The following TSPAN9 variants were observed in gnomAD, a reference collection of about 807,000 sequenced individuals.
The protein encoded by TSPAN9 is tetraspanin 9.
TSPAN9 carries 16 observed loss-of-function variants against 31.0 expected under a neutral mutation model. The ratio of observed to expected loss-of-function variants is 0.52; its 90% CI spans 0.35 to 0.78. The LOEUF (loss-of-function observed/expected upper bound fraction) is 0.78. Ranked by LOEUF, TSPAN9 falls within the 30% of genes least tolerant of loss-of-function variation. The pLI is 0.01. For missense variants in TSPAN9, 272 were observed against 312.5 expected, an observed-to-expected ratio of 0.87 and a Z score of 0.98; for synonymous variants, 145 against 121.6, an observed-to-expected ratio of 1.19 and a Z score of -1.27.
intron 3 of TSPAN9, among the ~76,000 whole-genome samples, chr12:3,221,712 G>A (rs577518033): frequency 6.6e-6 from 1 of 152,200 alleles, no homozygotes; most frequent in African/African-American, 2.4e-5. Context: ...CTGGAATCCA[G>A]TGGCATAATC....
intron 2 of TSPAN9, among the ~76,000 whole-genome samples, chr12:3,134,001 G>A (rs1176864113): frequency 1.3e-5 from 2 of 152,188 alleles, no homozygotes; most frequent in Admixed American, 6.5e-5. Flanking sequence ...GGGCTGTTGT[G>A]AGGGACTGAT....
intron 2 of TSPAN9, among the ~76,000 whole-genome samples, chr12:3,087,635 A>C (rs2098301229): frequency 6.6e-6 from 1 of 151,896 alleles, no homozygotes; most frequent in Admixed American, 6.6e-5. Flanking sequence ...GTGAAACCCC[A>C]TCTCTACTAA....
intron 3 of TSPAN9, among the ~76,000 whole-genome samples, chr12:3,262,351 C>T (rs142324415): frequency 7.9e-5 from 12 of 151,156 alleles, no homozygotes; most frequent in Admixed American, 2.0e-4. Context: ...GTGCCCTCCT[C>T]GGCTCTCTCT....
chr12:3,189,593 G>A (rs549681462), intron 2 of TSPAN9, among the ~76,000 whole-genome samples: 1 of 152,294 alleles, frequency 6.6e-6, no homozygotes, highest in East Asian at 1.9e-4. Context: ...GCCTTTGAAA[G>A]CACCTTTTGG....
chr12:3,159,675 T>C (rs1343549254), intron 2 of TSPAN9, among the ~76,000 whole-genome samples: 1 of 152,114 alleles, frequency 6.6e-6, no homozygotes, highest in African/African-American at 2.4e-5. Flanking sequence ...AAGACCAGCA[T>C]GGGCATCATG....
chr12:3,241,908 C>G (rs1391939583), intron 3 of TSPAN9, among the ~76,000 whole-genome samples: 1 of 152,240 alleles, frequency 6.6e-6, no homozygotes, highest in Non-Finnish European at 1.5e-5. Context: ...CCGTCTCTGC[C>G]ATGCAGCTGC....
At chr12:3,205,051 TG>T (rs2098374212) in intron 3 of TSPAN9, among the ~76,000 whole-genome samples, 1 of 148,902 alleles carries the variant, frequency 6.7e-6, no homozygotes, top group Admixed American at 6.7e-5. Flanking sequence ...GTACCCTTCC[TG>T]GGGCAGCAAG....
At chr12:3,156,027 C>G (rs1417715797) in intron 2 of TSPAN9, among the ~76,000 whole-genome samples, 1 of 152,174 alleles carries the variant, frequency 6.6e-6, no homozygotes, top group African/African-American at 2.4e-5. Flanking sequence ...AAGTAAACAC[C>G]CAGTGTTATT....
At chr12:3,177,445 T>G (rs1461049920) in intron 2 of TSPAN9, among the ~76,000 whole-genome samples, 1 of 151,516 alleles carries the variant, frequency 6.6e-6, no homozygotes, top group African/African-American at 2.4e-5. Flanking sequence ...CCAAGAAAAT[T>G]TTTTTGAGAT....
intron 3 of TSPAN9, among the ~76,000 whole-genome samples, chr12:3,243,645 T>G (rs1442028503): frequency 6.6e-6 from 1 of 152,118 alleles, no homozygotes; most frequent in East Asian, 1.9e-4. Context: ...GCATCGGCCC[T>G]CCTGCTGTCA....
intron 2 of TSPAN9, among the ~76,000 whole-genome samples, chr12:3,161,233 T>A (rs1000599455): frequency 9.4e-5 from 14 of 149,132 alleles, no homozygotes; most frequent in African/African-American, 2.2e-4. Flanking sequence ...AAAAAAAAAA[T>A]AGTTTTTAAT....
chr12:3,143,273 TTAA>T lies in TSPAN9; in HGVS notation c.-17-57898_-17-57896del, dbSNP rs897402076. ...ATATTTATAGTTATATTAATCATAA[TTAA>T]TAATATTTATAATTATATTAATTAT... On this transcript the variant is annotated intron_variant, in intron 2 of 8. Transcript: ENST00000011898. The surrounding 1 kb of genome is among the most constrained non-coding windows in gnomAD (Gnocchi z 4.2). Among the ~76,000 whole-genome samples the T allele has an allele frequency of 2.9e-4, 43 of 148,442 alleles. No individual in the cohort carries two copies. Among genetic ancestry groups the T allele is most frequent in the Middle Eastern group, 3.6e-3 (1 of 280 alleles).
At position 3,107,986 on chromosome 12, in the gene TSPAN9, T is replaced by C. The variant is rs1175109193; in HGVS notation, c.-18+24267T>C. On this transcript the variant is annotated intron_variant, in intron 2 of 8. Transcript: ENST00000011898. This position sits in a 1 kb window ranked among gnomAD's most constrained non-coding sequence, Gnocchi z 4.1. ...AGAAACTCCCCAAAACCTCCATACC[T>C]GATCCTCACATTTCTGGATACTCCT... 1.3e-5 allele frequency among the ~76,000 whole-genome samples: 2 copies of C among 152,220 alleles called. No homozygotes were observed. The highest frequency in any genetic ancestry group is 4.8e-5 in the African/African-American group (2 of 41,466).
chr12:3,264,056 C>T (rs1017559326), intron 3 of TSPAN9, among the ~76,000 whole-genome samples: 1 of 152,158 alleles, frequency 6.6e-6, no homozygotes, highest in African/African-American at 2.4e-5. Flanking sequence ...GCAAGTGTCT[C>T]AGTGATTTAG....
At chr12:3,121,341 G>C (rs201474340) in intron 2 of TSPAN9, among the ~76,000 whole-genome samples, 1 of 28,108 alleles carries the variant, frequency 3.6e-5, no homozygotes, top group Non-Finnish European at 9.5e-5. Context: ...TTTCAAAACA[G>C]GGGATGTTGG....
At chr12:3,139,754 C>T (rs1158890067) in intron 2 of TSPAN9, among the ~76,000 whole-genome samples, 2 of 152,092 alleles carry the variant, frequency 1.3e-5, no homozygotes, top group Non-Finnish European at 2.9e-5. Flanking sequence ...CACCATGCTG[C>T]CCAGGCTGGT....
intron 2 of TSPAN9, among the ~76,000 whole-genome samples, chr12:3,158,715 C>G (rs1252325891): frequency 1.1e-5 from 1 of 88,666 alleles, no homozygotes; most frequent in African/African-American, 4.3e-5. Flanking sequence ...GAGCAAGACT[C>G]TGTCTCAAAA....
chr12:3,186,284 T>C (rs922239559), intron 2 of TSPAN9, among the ~76,000 whole-genome samples: 2 of 152,182 alleles, frequency 1.3e-5, no homozygotes, highest in African/African-American at 4.8e-5. Flanking sequence ...GCTTTGGGAA[T>C]ACAGCAGTAA....
intron 3 of TSPAN9, among the ~76,000 whole-genome samples, chr12:3,215,911 C>T (rs1241144423): frequency 1.3e-5 from 2 of 152,328 alleles, no homozygotes; most frequent in East Asian, 1.9e-4. Context: ...ACCGGGACCT[C>T]TCTGTCTGGC....
Sources: allele counts gnomAD v4.1 joint callset (sites outside exome capture counted in the v4.1 genomes callset), GRCh38; gene constraint gnomAD v4.1.1; non-coding constraint Gnocchi (gnomAD v3.1); transcripts MANE v1.5; gene names NCBI Gene and HGNC (gene_info 2026-07-23, HGNC 2026-07-21).